Variants in LRRC4C observed in about 807,000 individuals in gnomAD.
The protein encoded by LRRC4C is leucine-rich repeat-containing protein 4C.
In LRRC4C, 5 loss-of-function variants were observed where a neutral mutation model predicts 33.6. The ratio of observed to expected loss-of-function variants is 0.15; its 90% CI spans 0.08 to 0.31. LRRC4C has a LOEUF of 0.31. Among genes scored for constraint, LRRC4C ranks in the 10% least tolerant of loss-of-function variants. The pLI, the probability that LRRC4C is intolerant of heterozygous loss-of-function variation, is 1.00. For missense variants in LRRC4C, 560 were observed against 796.7 expected (o/e 0.70, Z 3.58); for synonymous variants, 329 against 302.0 (o/e 1.09, Z -0.93).
intron 1 of LRRC4C, among the ~76,000 whole-genome samples, chr11:41,307,434 A>C (rs1950536264): frequency 6.6e-6 from 1 of 152,202 alleles, no homozygotes; most frequent in Non-Finnish European, 1.5e-5. Context: ...TGAATGAAGC[A>C]AGTCATTAAA....
At chr11:41,214,575 C>CAAAAAAAAAAAAAAAAAA (rs547167050) in intron 1 of LRRC4C, among the ~76,000 whole-genome samples, 2 of 34,770 alleles carry the variant, frequency 5.8e-5, no homozygotes, top group African/African-American at 2.4e-4. Flanking sequence ...ACTAAAAATA[C>CAAAAAAAAAAAAAAAAAA]AAAAAAAAAA....
intron 1 of LRRC4C, among the ~76,000 whole-genome samples, chr11:40,988,596 T>G (rs1174289644): frequency 6.6e-6 from 1 of 152,134 alleles, no homozygotes; most frequent in Non-Finnish European, 1.5e-5. Context: ...GATACTGCGG[T>G]TATTCTGCTT....
chr11:40,808,952 T>A (rs762779567), intron 2 of LRRC4C, among the ~76,000 whole-genome samples: 8 of 152,168 alleles, frequency 5.3e-5, no homozygotes, highest in Non-Finnish European at 1.2e-4. Context: ...GTCTTTTTAA[T>A]CACTACCCAA....
intron 3 of LRRC4C, among the ~76,000 whole-genome samples, chr11:40,643,381 C>T (rs370249203): frequency 1.3e-5 from 2 of 152,166 alleles, no homozygotes; most frequent in African/African-American, 4.8e-5. Context: ...CCGGCTATGA[C>T]AAGGTCCCCC....
chr11:41,359,748 G>A (rs1952284212), intron 1 of LRRC4C, among the ~76,000 whole-genome samples: 1 of 152,106 alleles, frequency 6.6e-6, no homozygotes, highest in Non-Finnish European at 1.5e-5. Context: ...AAAATAAAGT[G>A]CCTGAGGTTT....
At chr11:41,235,933 G>A (rs1473850586) in intron 1 of LRRC4C, among the ~76,000 whole-genome samples, 5 of 152,064 alleles carry the variant, frequency 3.3e-5, no homozygotes, top group African/African-American at 9.7e-5. Context: ...CTCCCTTTGT[G>A]CTTTCCTAAT....
At chr11:40,207,256 G>A (rs943907979) in intron 5 of LRRC4C, among the ~76,000 whole-genome samples, 1 of 152,132 alleles carries the variant, frequency 6.6e-6, no homozygotes, top group African/African-American at 2.4e-5. Context: ...CACAGTTACA[G>A]CTGCTTTCCA....
chr11:40,277,613 C>G (rs1303062095), intron 4 of LRRC4C, among the ~76,000 whole-genome samples: 2 of 152,018 alleles, frequency 1.3e-5, no homozygotes, highest in African/African-American at 4.8e-5. Context: ...ATGTGAGAGG[C>G]AGCTCAGCAT....
At chr11:40,363,777 A>T (rs1416389848) in intron 3 of LRRC4C, among the ~76,000 whole-genome samples, 1 of 152,112 alleles carries the variant, frequency 6.6e-6, no homozygotes, top group Non-Finnish European at 1.5e-5. Context: ...CCACCAATGA[A>T]CTGATGCCAA....
intron 3 of LRRC4C, among the ~76,000 whole-genome samples, chr11:40,461,330 G>A (rs1952386979): frequency 6.6e-6 from 1 of 152,070 alleles, no homozygotes; most frequent in Non-Finnish European, 1.5e-5. Context: ...GTGAAGCATA[G>A]CTTTTTGCTG....
intron 3 of LRRC4C, among the ~76,000 whole-genome samples, chr11:40,346,040 T>TA (rs1386265394): frequency 6.6e-5 from 10 of 151,738 alleles, no homozygotes; most frequent in Admixed American, 3.9e-4. Flanking sequence ...ATTAAAAAGG[T>TA]AAAAAATCAC....
intron 1 of LRRC4C, among the ~76,000 whole-genome samples, chr11:40,943,927 T>C (rs1240706418): frequency 1.3e-5 from 2 of 152,214 alleles, no homozygotes; most frequent in Non-Finnish European, 2.9e-5. Context: ...ACTGACTTGA[T>C]TTTAATCCAT....
Position 40,498,603 on chromosome 11 carries a change from T to C in LRRC4C, c.-270+149539A>G, listed in dbSNP as rs1954589301. On this transcript the variant is annotated intron_variant, in intron 3 of 6. Coordinates refer to ENST00000528697, the MANE Select transcript of LRRC4C (RefSeq NM_001258419.2). ...AGATAAAATTAGTATATTTGGCTCT[T>C]GGTTTTCTCATAAGTAAAATGTGAT... Among the ~76,000 whole-genome samples, 6 of 152,326 alleles carry C rather than the reference T, an allele frequency of 3.9e-5. 1 individual carries two copies. The South Asian group carries it at 1.2e-3, about 32-fold the overall frequency.
chr11:41,425,769 G>A (rs1006554284), intron 1 of LRRC4C, among the ~76,000 whole-genome samples: 1 of 152,054 alleles, frequency 6.6e-6, no homozygotes, highest in Non-Finnish European at 1.5e-5. Context: ...ATAAATGGGG[G>A]AGCTGAGCTA....
intron 3 of LRRC4C, among the ~76,000 whole-genome samples, chr11:40,561,539 A>G (rs1356890827): frequency 6.6e-6 from 1 of 151,042 alleles, no homozygotes; most frequent in Non-Finnish European, 1.5e-5. Flanking sequence ...CAGCTTCCCA[A>G]GTAGCTAGGA....
intron 1 of LRRC4C, among the ~76,000 whole-genome samples, chr11:40,973,006 A>T (rs2137010773): frequency 6.6e-6 from 1 of 152,140 alleles, no homozygotes; most frequent in South Asian, 2.1e-4. Flanking sequence ...GTCTCTCCTG[A>T]GACCTGATTG....
chr11:40,674,576 T>G (rs1002692938), intron 2 of LRRC4C, among the ~76,000 whole-genome samples: 7 of 152,202 alleles, frequency 4.6e-5, no homozygotes, highest in Admixed American at 2.0e-4. Flanking sequence ...CACGTGGAGA[T>G]GCTTTGTAAA....
chr11:41,259,156 A>G (rs1366878738), intron 1 of LRRC4C, among the ~76,000 whole-genome samples: 1 of 151,966 alleles, frequency 6.6e-6, no homozygotes, highest in Non-Finnish European at 1.5e-5. Flanking sequence ...AAGGAACCTT[A>G]AAAGTCTGGT....
intron 5 of LRRC4C, among the ~76,000 whole-genome samples, chr11:40,144,368 G>A (rs957717948): frequency 5.9e-5 from 9 of 151,944 alleles, no homozygotes; most frequent in South Asian, 2.1e-4. Context: ...AGCACTGTTC[G>A]AAACACTTAC....
Sources: allele counts gnomAD v4.1 joint callset (sites outside exome capture counted in the v4.1 genomes callset), GRCh38; gene constraint gnomAD v4.1.1; transcripts MANE v1.5; gene names NCBI Gene and HGNC (gene_info 2026-07-23, HGNC 2026-07-21).